The following INPP4B variants were observed in gnomAD, a reference collection of about 807,000 sequenced individuals.
The protein encoded by INPP4B is inositol polyphosphate 4-phosphatase type II.
INPP4B carries 55 observed loss-of-function variants against 122.5 expected under a neutral mutation model. The ratio of observed to expected loss-of-function variants is 0.45; its 90% CI spans 0.36 to 0.56. The LOEUF is 0.56. Among genes scored for constraint, INPP4B ranks in the 20% least tolerant of loss-of-function variants. The pLI is 0.00. For missense variants in INPP4B, 1,000 were observed against 1,097.7 expected (o/e 0.91, Z 1.26); for synonymous variants, 403 against 388.7 (o/e 1.04, Z -0.43).
intron 2 of INPP4B, among the ~76,000 whole-genome samples, chr4:142,719,925 C>T (rs1764289538): frequency 6.6e-6 from 1 of 152,176 alleles, no homozygotes; most frequent in Admixed American, 6.5e-5. Flanking sequence ...ACTACACAAT[C>T]TTCTGATGGG....
chr4:142,484,338 G>A (rs1356255584), intron 2 of INPP4B, among the ~76,000 whole-genome samples: 1 of 151,922 alleles, frequency 6.6e-6, no homozygotes, highest in African/African-American at 2.4e-5. Context: ...AAATATACAT[G>A]CATATAAAAA....
At chr4:142,341,602 C>G (rs148344237) in intron 7 of INPP4B, among the ~76,000 whole-genome samples, 1 of 152,044 alleles carries the variant, frequency 6.6e-6, no homozygotes, top group Admixed American at 6.5e-5. Flanking sequence ...TTACTTCTAA[C>G]CTAGACTATG....
intron 7 of INPP4B, among the ~76,000 whole-genome samples, chr4:142,327,307 C>T (rs1377284951): frequency 6.6e-6 from 1 of 152,054 alleles, no homozygotes; most frequent in Non-Finnish European, 1.5e-5. Flanking sequence ...ACAAAACTAT[C>T]GTGATACGGC....
At chr4:142,808,973 T>C (rs1002295769) in intron 1 of INPP4B, among the ~76,000 whole-genome samples, 2 of 152,106 alleles carry the variant, frequency 1.3e-5, no homozygotes, top group Admixed American at 6.5e-5. Flanking sequence ...TTAGGTGAAA[T>C]ATACAAAATA....
intron 2 of INPP4B, among the ~76,000 whole-genome samples, chr4:142,603,903 A>AACAC (rs3078719): frequency 6.8e-4 from 101 of 149,126 alleles, no homozygotes; most frequent in East Asian, 2.0e-3. Context: ...ACCAGACAAG[A>AACAC]ACACACACAC....
chr4:142,603,296 G>T (rs1740475637), intron 2 of INPP4B, among the ~76,000 whole-genome samples: 1 of 151,966 alleles, frequency 6.6e-6, no homozygotes. Flanking sequence ...ATACCTAGGT[G>T]ATGGGATGGT....
chr4:142,635,952 C>T (rs1370973297), intron 2 of INPP4B, among the ~76,000 whole-genome samples: 7 of 152,040 alleles, frequency 4.6e-5, no homozygotes, highest in South Asian at 2.1e-4. Flanking sequence ...AAATAATTTT[C>T]GGTGATATGT....
intron 2 of INPP4B, among the ~76,000 whole-genome samples, chr4:142,549,047 A>C (rs1464397036): frequency 6.6e-6 from 1 of 152,096 alleles, no homozygotes; most frequent in Non-Finnish European, 1.5e-5. Context: ...CCAATTACAG[A>C]TGGGACACTA....
intron 5 of INPP4B, among the ~76,000 whole-genome samples, chr4:142,423,228 T>G (rs1471312040): frequency 6.6e-6 from 1 of 152,024 alleles, no homozygotes; most frequent in Non-Finnish European, 1.5e-5. Context: ...TATAAAACAA[T>G]GCCTGATTTA....
At position 142,234,037 on chromosome 4, in the gene INPP4B, T is replaced by C. The variant is rs536577535; in HGVS notation, c.836+3827A>G. The stretch of plus-strand genomic sequence containing the variant: ...CAGAAATCAGCAGATACTGTTCCAC[T>C]GGGTTCTACAGGGAAGTATAATGCT... On this transcript the variant is annotated intron_variant, in intron 12 of 25. Coordinates refer to ENST00000262992, the MANE Select transcript of INPP4B (RefSeq NM_001101669.3). 3.9e-5 allele frequency among the ~76,000 whole-genome samples: 6 copies of C among 152,322 alleles called. No individual in the cohort carries two copies. In the South Asian group the frequency reaches 1.0e-3, roughly 26 times the overall value.
chr4:142,333,014 AAAAAAAAAAAAAAC>A lies in INPP4B; in HGVS notation c.373-18266_373-18253del, dbSNP rs1285826393. Among the ~76,000 whole-genome samples, 16 of 146,626 alleles carry A rather than the reference AAAAAAAAAAAAAAC, an allele frequency of 1.1e-4. 1 individual carries two copies. The highest frequency in any genetic ancestry group is 3.9e-4 in the African/African-American group (15 of 38,592). Reference sequence around the variant, plus strand: ...CGACAGAGCAAGACTCCGTCTCAAAAAAAAAAAAAAAAACAAAAAAAAAACCTTCTAAAACCGCA... The same window carrying A: ...CGACAGAGCAAGACTCCGTCTCAAAAAAAAAAAAAACCTTCTAAAACCGCA... On this transcript the variant is annotated intron_variant, in intron 7 of 25. Transcript: ENST00000262992.
intron 7 of INPP4B, among the ~76,000 whole-genome samples, chr4:142,375,624 G>C (rs1020285390): frequency 6.6e-6 from 1 of 151,906 alleles, no homozygotes; most frequent in Non-Finnish European, 1.5e-5. Context: ...AAAAGTCTAA[G>C]AGAGGTGTAC....
At chr4:142,669,894 A>G (rs1681969836) in intron 2 of INPP4B, among the ~76,000 whole-genome samples, 1 of 152,182 alleles carries the variant, frequency 6.6e-6, no homozygotes, top group Admixed American at 6.5e-5. Flanking sequence ...TTGTGGATGT[A>G]AATTAGTACA....
chr4:142,209,508 C>G (rs961884767), intron 12 of INPP4B, among the ~76,000 whole-genome samples: 1 of 151,732 alleles, frequency 6.6e-6, no homozygotes, highest in African/African-American at 2.4e-5. Flanking sequence ...AAAACAAAAG[C>G]CCGGCCGGGC....
chr4:142,123,552 A>C, intron 19 of INPP4B, 137 bp from the exon 20 acceptor site: 1 of 793,546 alleles, frequency 1.3e-6, no homozygotes, highest in South Asian at 1.9e-5. Flanking sequence ...TTTGGTAGGC[A>C]TAGTAAAACA....
chr4:142,824,016 G>A (rs1178381521), intron 1 of INPP4B, among the ~76,000 whole-genome samples: 2 of 152,096 alleles, frequency 1.3e-5, no homozygotes, highest in Admixed American at 6.5e-5. Flanking sequence ...AAGGTGAGAG[G>A]AAATACACAG....
rs190127513 is a variant in INPP4B at position 142,041,567 on chromosome 4, G to A, written c.2643-12653C>T. 1.2e-3 allele frequency among the ~76,000 whole-genome samples: 189 copies of A among 152,100 alleles called. No homozygotes were observed. In the Middle Eastern group the frequency reaches 0.024, roughly 19 times the overall value. On this transcript the variant is annotated intron_variant, in intron 25 of 25. Transcript: ENST00000262992. Reference sequence around the variant, plus strand: ...TGGGAGGCGGAGGTTGCAGTGAGCCGAGATCAGGTCATTGCACTCCAGCCT... The same window carrying A: ...TGGGAGGCGGAGGTTGCAGTGAGCCAAGATCAGGTCATTGCACTCCAGCCT...
chr4:142,207,607 C>T (rs887614691), intron 14 of INPP4B, among the ~76,000 whole-genome samples: 3 of 152,036 alleles, frequency 2.0e-5, no homozygotes, highest in Non-Finnish European at 4.4e-5. Context: ...ATGACCACAG[C>T]ATTAGTCGTT....
At chr4:142,390,531 A>G (rs1424794366) in intron 7 of INPP4B, among the ~76,000 whole-genome samples, 1 of 152,192 alleles carries the variant, frequency 6.6e-6, no homozygotes, top group African/African-American at 2.4e-5. Context: ...TTTCTGACTT[A>G]TAACTTTGAG....
Sources: gnomAD v4.1 joint callset for allele counts (sites outside exome capture counted in the v4.1 genomes callset) on GRCh38, gnomAD v4.1.1 for gene constraint, MANE v1.5 for transcripts, NCBI Gene and HGNC (gene_info 2026-07-23, HGNC 2026-07-21) for gene names.